CLUH: variants seen among roughly 807,000 people sequenced by gnomAD.
CLUH encodes the protein clustered mitochondria protein homolog.
CLUH carries 77 observed loss-of-function variants against 139.3 expected under a neutral mutation model. The ratio of observed to expected loss-of-function variants is 0.55; its 90% CI spans 0.46 to 0.67. CLUH has a LOEUF of 0.67. Ranked by LOEUF, CLUH falls within the 30% of genes least tolerant of loss-of-function variation. The pLI, the probability that CLUH is intolerant of heterozygous loss-of-function variation, is 0.00. For synonymous variants in CLUH, 999 were observed against 801.6 expected (o/e 1.25, Z -4.16); for missense variants, 1,876 against 1,875.8 (o/e 1.00, Z 0.00).
Position 2,696,093 on chromosome 17 carries a change from C to T in CLUH, c.2391+66G>A, listed in dbSNP as rs528061473. 3.8e-6 allele frequency: 5 copies of T among 1,309,724 alleles called. No individual in the cohort carries two copies. The Admixed American group carries it at 6.1e-5, about 16-fold the overall frequency. 81.1% of individuals were successfully genotyped at this position (1,309,724 alleles called of 1,614,324 possible). A position where few individuals can be genotyped will look rare whatever the true frequency, so the allele number is the denominator to read the frequency against. On this transcript the variant is annotated intron_variant, in intron 13 of 25. Transcript: ENST00000651024. ...AGCCTGTGTTCATGGGCCTCCAAGT[C>T]GGAGACAGATGAGGGACCAGCACCC...
In CLUH at chr17:2,700,822, G is replaced by T; in HGVS notation, c.1029C>A (p.Val343=). ...KNFAVLQKKR[V]QRHPFERIAT... The stretch of plus-strand genomic sequence containing the variant: ...CGATCCTCTCGAACGGGTGGCGCTG[G>T]ACCCTGTGGCAGGCAGGGGAGGGGG... The change falls in exon 8 of 26, where the codon GTC becomes GTA. Residue 343 remains valine (V), a synonymous_variant. Coordinates refer to ENST00000651024, the MANE Select transcript of CLUH (RefSeq NM_001366661.1). The T allele has an allele frequency of 6.6e-7, 1 of 1,518,876 alleles. No homozygotes were observed. The allele number at this position is 1,518,876 out of a possible 1,614,324, so 94.1% of individuals were successfully genotyped here.
At chr17:2,708,147 G>A (rs1053337763) in intron 1 of CLUH, among the ~76,000 whole-genome samples, 1 of 152,154 alleles carries the variant, frequency 6.6e-6, no homozygotes, top group Non-Finnish European at 1.5e-5. Flanking sequence ...AGTAAGGGCT[G>A]CCCCAGCATC....
intron 1 of CLUH, among the ~76,000 whole-genome samples, chr17:2,709,344 A>T (rs1444745362): frequency 6.6e-6 from 1 of 152,124 alleles, no homozygotes; most frequent in Non-Finnish European, 1.5e-5. Flanking sequence ...CCTATGGAAG[A>T]ACCTACAGAC....
At chr17:2,692,329 C>T (rs1054668792) in intron 22 of CLUH, 32 bp downstream of exon 22, 9 of 1,515,164 alleles carry the variant, frequency 5.9e-6, no homozygotes, top group African/African-American at 2.8e-5. Context: ...AGGCCTCCGC[C>T]GGCCTTGGCG....
At chr17:2,691,956 G>GCC (rs762374288) in intron 23 of CLUH, 48 bp downstream of exon 23, 14 of 440,024 alleles carry the variant, frequency 3.2e-5, no homozygotes, top group Non-Finnish European at 3.7e-5. Flanking sequence ...CCCCCGCCCC[G>GCC]CCACGCCCCC....
rs2069891322 is a variant in CLUH, at chr17:2,695,257, G to A, written c.2568C>T (p.Ile856=). The change falls in exon 15 of 26, where the codon ATC becomes ATT. Residue 856 remains isoleucine (I), a synonymous_variant. Transcript: ENST00000651024. The part of the protein sequence containing the change: ...HVFKIGIGEL[I]TRSAKHIFKT... ...TGAAGATGTGCTTGGCCGAGCGGGTGATGAGTTCTCCAATGCCGATTTTCT... is the reference window on the plus strand; with the variant it reads ...TGAAGATGTGCTTGGCCGAGCGGGTAATGAGTTCTCCAATGCCGATTTTCT... 6.2e-7 allele frequency: 1 copy of A among 1,613,918 alleles called. No individual in the cohort carries two copies. The highest frequency in any genetic ancestry group is 1.3e-5 in the African/African-American group (1 of 75,068).
intron 1 of CLUH, among the ~76,000 whole-genome samples, chr17:2,709,727 A>C (rs2070454875): frequency 6.6e-6 from 1 of 152,084 alleles, no homozygotes; most frequent in Non-Finnish European, 1.5e-5. Context: ...CCAGAGCTGG[A>C]TCTCAGAGGT....
At chr17:2,709,113 G>A (rs773392522) in intron 1 of CLUH, among the ~76,000 whole-genome samples, 7 of 152,096 alleles carry the variant, frequency 4.6e-5, no homozygotes, top group East Asian at 1.9e-4. Context: ...GCTCAAAGGC[G>A]GCAGAGAGGA....
Position 2,691,741 on chromosome 17 carries a change from C to A in CLUH, c.3789+20G>T, listed in dbSNP as rs1050019177. 1.3e-6 allele frequency: 2 copies of A among 1,596,770 alleles called. No individual in the cohort carries two copies. The highest frequency in any genetic ancestry group is 4.5e-5 in the East Asian group (2 of 44,064). ...TCCCGCGCTCGCCGGGCCGGAGGGG[C>A]CGCTCCGCCCCGGACTCACCTTGAG... On this transcript the variant is annotated intron_variant, in intron 24 of 25. Transcript: ENST00000651024.
In CLUH at chr17:2,701,196, C is replaced by G. The variant is rs1356737567; in HGVS notation, c.969G>C (p.Leu323=). 2 of 1,613,844 alleles carry G rather than the reference C, an allele frequency of 1.2e-6. No individual in the cohort carries two copies. The change falls in exon 7 of 26, where the codon CTG becomes CTC. Residue 323 remains leucine (L), a synonymous_variant. Transcript: ENST00000651024. The part of the protein sequence containing the change: ...PRFLSHSLVE[L]LNQISPTFKK... ...TGAAGGTCGGGCTGATCTGGTTGAG[C>G]AGCTCCACTAGGGAATGGCTTAGGA...
chr17:2,692,359 A>G lies in CLUH; in HGVS notation c.3560+2T>C. ...TTGGCGTTTGGACGGGCGGCCCCTC[A>G]CCTGAGGGCCACCTTGAGGGCCTTG... On this transcript the variant is annotated splice_donor_variant, in intron 22 of 25. Transcript: ENST00000651024. LOFTEE classifies it high-confidence loss of function. The G allele has an allele frequency of 6.4e-7, 1 of 1,571,978 alleles. No homozygotes were observed. The highest frequency in any genetic ancestry group is 2.3e-5 in the East Asian group (1 of 43,626).
In CLUH at chr17:2,694,277, C is replaced by G. The variant is rs1348099000; in HGVS notation, c.2938-1G>C. On this transcript the variant is annotated splice_acceptor_variant, in intron 17 of 25. Coordinates refer to ENST00000651024, the MANE Select transcript of CLUH (RefSeq NM_001366661.1). LOFTEE classifies it high-confidence loss of function. Reference sequence around the variant, plus strand: ...CGAAGCTGTACTCCTTCAGCAGGACCTGGGGGGCAGCCCCCCCACCACAGG... The same window carrying G: ...CGAAGCTGTACTCCTTCAGCAGGACGTGGGGGGCAGCCCCCCCACCACAGG... 1.3e-6 allele frequency: 2 copies of G among 1,579,826 alleles called. No individual in the cohort carries two copies. The highest frequency in any genetic ancestry group is 1.7e-6 in the Non-Finnish European group (2 of 1,160,916).
At position 2,692,344 on chromosome 17, in the gene CLUH, GACGGGCGGCCC is replaced by G; in HGVS notation, c.3560+6_3560+16del. ...AGGCCTCCGCCGGCCTTGGCGTTTGGACGGGCGGCCCCTCACCTGAGGGCCACCTTGAGGGC... is the reference window on the plus strand; with the variant it reads ...AGGCCTCCGCCGGCCTTGGCGTTTGGCTCACCTGAGGGCCACCTTGAGGGC... On this transcript the variant is annotated splice_donor_region_variant and intron_variant, in intron 22 of 25. Coordinates refer to ENST00000651024, the MANE Select transcript of CLUH (RefSeq NM_001366661.1). 6.5e-7 allele frequency: 1 copy of G among 1,542,210 alleles called. No homozygotes were observed. The highest frequency in any genetic ancestry group is 1.2e-5 in the South Asian group (1 of 84,622).
rs2070251638 is a variant in CLUH at position 2,703,514 on chromosome 17, C to T, written c.304-25G>A. On this transcript the variant is annotated intron_variant, in intron 2 of 25. Transcript: ENST00000651024. The surrounding 1 kb of genome is among the most constrained non-coding windows in gnomAD (Gnocchi z 4.2). ...CCTGCAGGGAGAAGGCCCCGCCCAC[C>T]CCGGTGAGAGAGCACGTAGCGGGGA... The T allele has an allele frequency of 1.2e-6, 2 of 1,606,832 alleles. No homozygotes were observed. The highest frequency in any genetic ancestry group is 1.1e-5 in the South Asian group (1 of 90,804).
intron 1 of CLUH, among the ~76,000 whole-genome samples, chr17:2,708,774 G>A (rs2070423915): frequency 6.6e-6 from 1 of 151,182 alleles, no homozygotes; most frequent in Non-Finnish European, 1.5e-5. Context: ...CCCACTCAGC[G>A]CAGCCCACCC....
In CLUH at chr17:2,690,207, A is replaced by G; in HGVS notation, c.*387T>C. On this transcript the variant is annotated 3_prime_UTR_variant, in exon 26 of 26. Coordinates refer to ENST00000651024, the MANE Select transcript of CLUH (RefSeq NM_001366661.1). ...GAGAAATCCCGTCTGCGCGTCACCC[A>G]CTCAGGAGTCACCCACTCAGGACTG... The G allele has an allele frequency of 4.8e-6, 1 of 208,056 alleles. No homozygotes were observed. Among genetic ancestry groups the G allele is most frequent in the Non-Finnish European group, 9.5e-6 (1 of 104,980 alleles). 12.9% of individuals were successfully genotyped at this position (208,056 alleles called of 1,614,324 possible). A position where few individuals can be genotyped will look rare whatever the true frequency, so the allele number is the denominator to read the frequency against.
At position 2,694,925 on chromosome 17, in the gene CLUH, C is replaced by A; in HGVS notation, c.2784G>T (p.Met928Ile). Reference sequence around the variant, plus strand: ...TGTTCTTCCAGAGCTCCTGGGGGGTCATGACAGCCCAGGCTGTGTTATCTG... The same window carrying A: ...TGTTCTTCCAGAGCTCCTGGGGGGTAATGACAGCCCAGGCTGTGTTATCTG... ...GAADNTAWAVMTPQELWKNIC... is the reference protein window; with the variant it reads ...GAADNTAWAVITPQELWKNIC... Residue 928 changes from methionine to isoleucine, a missense_variant, in exon 16 of 26, where the codon ATG becomes ATT. Around this residue, in one of 3 missense-constraint regions of CLUH, gnomAD observed 1,454 missense variants for 1,384.4 expected, o/e 1.05. Transcript: ENST00000651024. 6.3e-7 allele frequency: 1 copy of A among 1,589,502 alleles called. No individual in the cohort carries two copies. Among genetic ancestry groups the A allele is most frequent in the Non-Finnish European group, 8.6e-7 (1 of 1,166,266 alleles).
chr17:2,690,513 GCCCGCAGGCTCGCCCCCTTCT>G lies in CLUH; in HGVS notation c.*60_*80del. ...GGAAGAGGGCCTTGCTTCCTCTTCC[GCCCGCAGGCTCGCCCCCTTCT>G]CCCGCAGTCGGGCTCCCTGGTGACG... On this transcript the variant is annotated 3_prime_UTR_variant, in exon 26 of 26. Transcript: ENST00000651024. 2.4e-6 allele frequency: 3 copies of G among 1,258,118 alleles called. No homozygotes were observed. The highest frequency in any genetic ancestry group is 1.6e-5 in the African/African-American group (1 of 63,746). 77.9% of individuals were successfully genotyped at this position (1,258,118 alleles called of 1,614,324 possible).
intron 12 of CLUH, 78 bp downstream of exon 12, chr17:2,696,356 C>T: frequency 6.6e-7 from 1 of 1,513,714 alleles, no homozygotes; most frequent in Non-Finnish European, 9.0e-7. Flanking sequence ...GACAAACCCA[C>T]CAGCCCCAAG....
Sources: gnomAD v4.1 joint callset for allele counts (sites outside exome capture counted in the v4.1 genomes callset) on GRCh38, gnomAD v4.1.1 for gene constraint, gnomAD v4.1.1 regional missense constraint, Gnocchi (gnomAD v3.1) non-coding constraint, MANE v1.5 for transcripts, NCBI Gene and HGNC (gene_info 2026-07-23, HGNC 2026-07-21) for gene names.